The following ANXA11 variants were observed in gnomAD, a reference collection of about 807,000 sequenced individuals.
The protein encoded by ANXA11 is annexin A11.
Under a neutral mutation model 64.7 loss-of-function variants are expected in ANXA11, and 57 were observed. That is an observed-to-expected ratio of 0.88 (90% CI 0.71 to 1.10). ANXA11 has a LOEUF of 1.10. ANXA11 is among the 50% of genes least tolerant of loss of function. The pLI, the probability that ANXA11 is intolerant of heterozygous loss-of-function variation, is 0.00. For missense variants in ANXA11, 675 were observed against 670.7 expected, an observed-to-expected ratio of 1.01 and a Z score of -0.07; for synonymous variants, 260 against 265.2, an observed-to-expected ratio of 0.98 and a Z score of 0.19.
intron 1 of ANXA11, among the ~76,000 whole-genome samples, chr10:80,197,206 C>A (rs1745912706): frequency 6.6e-6 from 1 of 152,164 alleles, no homozygotes; most frequent in Non-Finnish European, 1.5e-5. Flanking sequence ...CAGGCCAGTG[C>A]ATTATGAACC....
intron 1 of ANXA11, among the ~76,000 whole-genome samples, chr10:80,199,339 T>C (rs1207225680): frequency 3.3e-5 from 5 of 152,104 alleles, no homozygotes; most frequent in South Asian, 4.1e-4. Flanking sequence ...CCTCGTGATC[T>C]GCCCGCCTCG....
chr10:80,175,114 C>T (rs1434601375), intron 2 of ANXA11, among the ~76,000 whole-genome samples: 1 of 152,202 alleles, frequency 6.6e-6, no homozygotes, highest in Non-Finnish European at 1.5e-5. Flanking sequence ...GGTGGCATCA[C>T]CTTCAGAGAG....
intron 13 of ANXA11, 112 bp from the exon 14 acceptor site, chr10:80,158,137 A>C (rs1201782108): frequency 9.6e-6 from 9 of 939,378 alleles, no homozygotes; most frequent in Middle Eastern, 2.2e-4. Context: ...CCATCACTGC[A>C]TCCATCTTTT....
chr10:80,203,361 T>C (rs1453305890), intron 1 of ANXA11, among the ~76,000 whole-genome samples: 2 of 152,100 alleles, frequency 1.3e-5, no homozygotes, highest in South Asian at 2.1e-4. Flanking sequence ...GCCCTTTCTA[T>C]AGTATCATGC....
rs148593238 is a variant in ANXA11 at position 80,157,733 on chromosome 10, G to A, written c.1366C>T (p.Arg456Cys). 13 of 1,613,754 alleles carry A rather than the reference G, an allele frequency of 8.1e-6. No individual in the cohort carries two copies. The East Asian group carries it at 8.9e-5, about 11-fold the overall frequency. ...GTCTCGCTGCGAGACACCATGATGC[G>A]AATCAGGGTCCGGTCCTTTGTTCCT... Reference protein sequence around the residue: ...GAGTKDRTLIRIMVSRSETDL... With the variant: ...GAGTKDRTLICIMVSRSETDL... The change falls in exon 15 of 16, where the codon CGC becomes TGC. Residue 456 changes from arginine (R) to cysteine (C), a missense_variant. By Grantham distance (180) the Arg-to-Cys change is radical. Transcript: ENST00000422982.
rs1845658457 is a variant in ANXA11 at position 80,164,758 on chromosome 10, C to T, written c.859-615G>A. ...GGGCACATTACTTAACCTCTCTGTG[C>T]TTCCAGTTCCTTGTCTGTAAGATGG... On this transcript the variant is annotated intron_variant, in intron 8 of 15. Transcript: ENST00000422982. Among the ~76,000 whole-genome samples the T allele has an allele frequency of 2.0e-5, 3 of 152,198 alleles. No individual in the cohort carries two copies. In the South Asian group the frequency reaches 6.2e-4, roughly 32 times the overall value.
chr10:80,180,936 C>T (rs1846333311), intron 1 of ANXA11: 1 of 152,232 alleles, frequency 6.6e-6, no homozygotes, highest in Non-Finnish European at 1.5e-5. Context: ...CATGCTCTCT[C>T]TTACCCGCAT....
At chr10:80,191,601 C>T (rs965126025) in intron 1 of ANXA11, among the ~76,000 whole-genome samples, 5 of 152,126 alleles carry the variant, frequency 3.3e-5, no homozygotes, top group African/African-American at 1.2e-4. Flanking sequence ...CAAAAAAAAC[C>T]CTTTCCAACG....
chr10:80,170,633 G>A (rs1215772399), intron 4 of ANXA11, among the ~76,000 whole-genome samples, 167 bp downstream of exon 4: 3 of 152,186 alleles, frequency 2.0e-5, no homozygotes, highest in African/African-American at 2.4e-5. Flanking sequence ...CAGAGAGCAG[G>A]TGGCAGAAGC....
chr10:80,190,589 C>T (rs1168823366), intron 1 of ANXA11, among the ~76,000 whole-genome samples: 1 of 149,966 alleles, frequency 6.7e-6, no homozygotes, highest in African/African-American at 2.5e-5. Flanking sequence ...GAGTTCATGC[C>T]GTTCTCCCGC....
rs1846620431 is a variant in ANXA11 at position 80,188,226 on chromosome 10, C to A, written c.-57-12071G>T. Reference sequence around the variant, plus strand: ...AACATCACAGGACAGTCACAAGGGACTTCTCAATTCTGCTGCATGAGTTTT... The same window carrying A: ...AACATCACAGGACAGTCACAAGGGAATTCTCAATTCTGCTGCATGAGTTTT... On this transcript the variant is annotated intron_variant, in intron 1 of 15. Coordinates refer to ENST00000422982, the MANE Select transcript of ANXA11 (RefSeq NM_145868.2). Among the ~76,000 whole-genome samples, 5 of 152,136 alleles carry A rather than the reference C, an allele frequency of 3.3e-5. No homozygotes were observed. The South Asian group carries it at 1.0e-3, about 32-fold the overall frequency.
Position 80,157,783 on chromosome 10 carries a change from G to C in ANXA11, c.1336-20C>G. The C allele has an allele frequency of 4.4e-6, 7 of 1,608,048 alleles. No homozygotes were observed. The highest frequency in any genetic ancestry group is 6.0e-6 in the Non-Finnish European group (7 of 1,175,950). On this transcript the variant is annotated intron_variant, in intron 14 of 15. Coordinates refer to ENST00000422982, the MANE Select transcript of ANXA11 (RefSeq NM_145868.2). ...TGCCCCCTAAAGAGAGTCCACCCAA[G>C]AGCATGAGCACCAGGCCTCCTCACC... is the stretch of plus-strand genomic sequence containing the variant.
In ANXA11 at chr10:80,153,263, C is replaced by T. The variant is rs2132347571; in HGVS notation, c.*2590G>A. ...CAGGCCTAAAGGGGCAGCTGCAACT[C>T]AGCTCCAGCCATGCAGGAATGCAAG... On this transcript the variant is annotated 3_prime_UTR_variant, in exon 16 of 16. Coordinates refer to ENST00000422982, the MANE Select transcript of ANXA11 (RefSeq NM_145868.2). 1 of 152,330 alleles carries T rather than the reference C, an allele frequency of 6.6e-6. No individual in the cohort carries two copies. Among genetic ancestry groups the T allele is most frequent in the South Asian group, 2.1e-4 (1 of 4,828 alleles). 9.4% of individuals were successfully genotyped at this position (152,330 alleles called of 1,614,324 possible).
intron 1 of ANXA11, chr10:80,195,923 G>A (rs1443367538): frequency 1.3e-5 from 2 of 152,268 alleles, no homozygotes; most frequent in African/African-American, 4.8e-5. Context: ...CTCCCACCAA[G>A]TCTCTTCTAC....
intron 3 of ANXA11, chr10:80,171,560 G>A: frequency 1.1e-6 from 1 of 905,630 alleles, no homozygotes; most frequent in Middle Eastern, 5.6e-4. Context: ...GCTTACAAAT[G>A]GGCTAATGGT....
chr10:80,160,910 T>C (rs1246196164), intron 12 of ANXA11, among the ~76,000 whole-genome samples: 1 of 151,860 alleles, frequency 6.6e-6, no homozygotes. Flanking sequence ...TCGAACCCTC[T>C]CTCTCCCACA....
At chr10:80,202,439 CTAATG>C (rs1425934592) in intron 1 of ANXA11, among the ~76,000 whole-genome samples, 1 of 152,120 alleles carries the variant, frequency 6.6e-6, no homozygotes, top group Non-Finnish European at 1.5e-5. Flanking sequence ...GTCAGTAAGC[CTAATG>C]TGTAACAGTT....
chr10:80,190,421 T>C (rs1846721633), intron 1 of ANXA11, among the ~76,000 whole-genome samples: 1 of 152,160 alleles, frequency 6.6e-6, no homozygotes, highest in South Asian at 2.1e-4. Context: ...ATTGTATTCA[T>C]AGATTATAAC....
intron 1 of ANXA11, among the ~76,000 whole-genome samples, chr10:80,196,787 AC>A (rs1216169270): frequency 6.6e-6 from 1 of 152,152 alleles, no homozygotes; most frequent in African/African-American, 2.4e-5. Context: ...CTCCCCACCC[AC>A]ATGCCAGGAA....
Sources: gnomAD v4.1 joint callset for allele counts (sites outside exome capture counted in the v4.1 genomes callset) on GRCh38, gnomAD v4.1.1 for gene constraint, MANE v1.5 for transcripts, NCBI Gene and HGNC (gene_info 2026-07-23, HGNC 2026-07-21) for gene names.